Variants in ELMO1 observed in about 807,000 individuals in gnomAD.
ELMO1 encodes engulfment and cell motility protein 1.
A neutral mutation model predicts 98.9 loss-of-function variants in ELMO1; 26 were observed. That is an observed-to-expected ratio of 0.26 (90% confidence interval 0.19 to 0.36). ELMO1 has a LOEUF of 0.36. Ranked by LOEUF, ELMO1 falls within the 10% of genes least tolerant of loss-of-function variation. The pLI, the probability that ELMO1 is intolerant of heterozygous loss-of-function variation, is 1.00. For missense variants in ELMO1, 627 were observed against 935.2 expected (o/e 0.67, Z 4.30); for synonymous variants, 346 against 346.0 (o/e 1.00, Z 0.00).
chr7:36,904,648 C>T (rs897664897), intron 16 of ELMO1, among the ~76,000 whole-genome samples: 1 of 152,182 alleles, frequency 6.6e-6, no homozygotes, highest in Non-Finnish European at 1.5e-5. Flanking sequence ...AATAAATAAG[C>T]AAAAACGTTA....
chr7:37,262,273 A>C (rs1019975020), intron 5 of ELMO1, among the ~76,000 whole-genome samples: 1 of 152,190 alleles, frequency 6.6e-6, no homozygotes, highest in African/African-American at 2.4e-5. Flanking sequence ...GTCCTCCCAA[A>C]TCCCACAACT....
chr7:37,209,896 G>A (rs879833532), intron 13 of ELMO1, among the ~76,000 whole-genome samples: 2 of 152,180 alleles, frequency 1.3e-5, no homozygotes, highest in East Asian at 1.9e-4. Flanking sequence ...TGCCAAGGTC[G>A]AAACATAAAA....
intron 1 of ELMO1, among the ~76,000 whole-genome samples, chr7:37,370,014 CT>C (rs1802054535): frequency 6.6e-6 from 1 of 152,138 alleles, no homozygotes; most frequent in African/African-American, 2.4e-5. Context: ...CTCAAAACTC[CT>C]TCCCTAGGAA....
intron 13 of ELMO1, among the ~76,000 whole-genome samples, chr7:37,188,451 C>T (rs1331630848): frequency 5.4e-4 from 4 of 7,358 alleles, no homozygotes; most frequent in South Asian, 0.012. Context: ...CACACACACA[C>T]GCAAACACAC....
intron 16 of ELMO1, among the ~76,000 whole-genome samples, chr7:36,929,670 T>C (rs1352704469): frequency 6.6e-6 from 1 of 152,212 alleles, no homozygotes; most frequent in Admixed American, 6.5e-5. Context: ...TGATGACTTT[T>C]ATAGAGAGTA....
At chr7:36,958,670 C>T (rs1035532371) in intron 16 of ELMO1, among the ~76,000 whole-genome samples, 1 of 152,142 alleles carries the variant, frequency 6.6e-6, no homozygotes, top group Non-Finnish European at 1.5e-5. Context: ...ATGGCCTCTT[C>T]CTAAGGAGCA....
chr7:37,326,818 T>TA (rs1799846122), intron 2 of ELMO1, among the ~76,000 whole-genome samples: 1 of 152,188 alleles, frequency 6.6e-6, no homozygotes, highest in Non-Finnish European at 1.5e-5. Flanking sequence ...CCTTCTCCTT[T>TA]AGATATTCTA....
Position 37,190,421 on chromosome 7 carries a change from A to G in ELMO1, c.1086+20965T>C, listed in dbSNP as rs114585492. 3.7e-3 allele frequency among the ~76,000 whole-genome samples: 563 copies of G among 152,338 alleles called. 4 individuals carry two copies. The highest frequency in any genetic ancestry group is 0.013 in the African/African-American group (526 of 41,576). On this transcript the variant is annotated intron_variant, in intron 13 of 21. Coordinates refer to ENST00000310758, the MANE Select transcript of ELMO1 (RefSeq NM_014800.11). ...GAAAGAAAATCTTTCATTACGGTCT[A>G]TCAGATGAAGCTAAGCATATACTAA...
intron 13 of ELMO1, among the ~76,000 whole-genome samples, chr7:37,171,456 A>G (rs1287584871): frequency 1.0e-5 from 1 of 100,086 alleles, no homozygotes; most frequent in Admixed American, 9.7e-5. Context: ...ATTATCCATT[A>G]GTTTATTCTT....
intron 15 of ELMO1, among the ~76,000 whole-genome samples, chr7:37,058,102 A>G (rs1304316323): frequency 1.3e-5 from 2 of 152,208 alleles, no homozygotes; most frequent in African/African-American, 4.8e-5. Flanking sequence ...GTACACTCAC[A>G]CACAGTGTAC....
chr7:36,909,655 G>A (rs1485918567), intron 16 of ELMO1, among the ~76,000 whole-genome samples: 4 of 152,206 alleles, frequency 2.6e-5, no homozygotes, highest in African/African-American at 7.2e-5. Context: ...TGAAAAAACT[G>A]TAATGCTGAA....
At chr7:36,903,406 A>G (rs1023496224) in intron 16 of ELMO1, among the ~76,000 whole-genome samples, 1 of 152,166 alleles carries the variant, frequency 6.6e-6, no homozygotes, top group African/African-American at 2.4e-5. Flanking sequence ...CTTTATTACT[A>G]TCTCATCTCC....
intron 1 of ELMO1, among the ~76,000 whole-genome samples, chr7:37,389,929 TCCCATGTTG>T (rs1802994475): frequency 6.6e-6 from 1 of 151,876 alleles, no homozygotes; most frequent in South Asian, 2.1e-4. Flanking sequence ...CCACAGTCTC[TCCCATGTTG>T]CCCAACTTCC....
chr7:37,232,530 C>T (rs1794231387), intron 8 of ELMO1, among the ~76,000 whole-genome samples: 2 of 152,204 alleles, frequency 1.3e-5, no homozygotes, highest in Admixed American at 6.5e-5. Context: ...TCTTCCTGCA[C>T]CAGGTCCATC....
At chr7:37,348,846 C>T (rs1320174352) in intron 1 of ELMO1, among the ~76,000 whole-genome samples, 1 of 152,200 alleles carries the variant, frequency 6.6e-6, no homozygotes, top group Non-Finnish European at 1.5e-5. Context: ...ACAAAGGTCC[C>T]AAATACCTGA....
chr7:37,206,958 T>C (rs1022441652), intron 13 of ELMO1, among the ~76,000 whole-genome samples: 4 of 151,802 alleles, frequency 2.6e-5, no homozygotes, highest in South Asian at 4.1e-4. Context: ...AAAGATGAAC[T>C]ACAGACATCT....
chr7:37,163,910 C>A (rs1169836427), intron 13 of ELMO1, among the ~76,000 whole-genome samples: 1 of 152,206 alleles, frequency 6.6e-6, no homozygotes, highest in East Asian at 1.9e-4. Flanking sequence ...GAAGAATCGC[C>A]ACACTGACTT....
At chr7:36,924,717 G>A (rs143408286) in intron 16 of ELMO1, among the ~76,000 whole-genome samples, 1 of 152,120 alleles carries the variant, frequency 6.6e-6, no homozygotes, top group Non-Finnish European at 1.5e-5. Flanking sequence ...CATTTCATCT[G>A]ATGGAGGCCA....
intron 4 of ELMO1, among the ~76,000 whole-genome samples, chr7:37,308,818 C>CT (rs1798745022): frequency 6.6e-6 from 1 of 152,178 alleles, no homozygotes; most frequent in Non-Finnish European, 1.5e-5. Flanking sequence ...TTGCCAAAGG[C>CT]TGGGGACAGG....
Sources: gnomAD v4.1 joint callset for allele counts (sites outside exome capture counted in the v4.1 genomes callset) on GRCh38, gnomAD v4.1.1 for gene constraint, MANE v1.5 for transcripts, NCBI Gene and HGNC (gene_info 2026-07-23, HGNC 2026-07-21) for gene names.